PTPRT: variants seen among roughly 807,000 people sequenced by gnomAD.
PTPRT encodes the protein protein tyrosine phosphatase receptor type T.
In PTPRT, 56 loss-of-function variants were observed where a neutral mutation model predicts 176.8. The ratio of observed to expected loss-of-function variants is 0.32; its 90% CI spans 0.26 to 0.40. The LOEUF (loss-of-function observed/expected upper bound fraction) is 0.40. PTPRT is among the 10% of genes least tolerant of loss of function. The probability of loss-of-function intolerance (pLI) is 1.00; values close to 1 mark genes in which losing one functional copy is unlikely to be tolerated. For synonymous variants in PTPRT, 783 were observed against 739.0 expected (o/e 1.06, Z -0.96); for missense variants, 1,540 against 1,908.2 (o/e 0.81, Z 3.60).
intron 13 of PTPRT, among the ~76,000 whole-genome samples, chr20:42,266,588 C>T (rs2056841738): frequency 6.6e-6 from 1 of 152,138 alleles, no homozygotes; most frequent in Non-Finnish European, 1.5e-5. Context: ...AGGATTTTAC[C>T]TTATTTTTCT....
At chr20:42,904,740 C>T (rs372874326) in intron 1 of PTPRT, among the ~76,000 whole-genome samples, 1 of 152,084 alleles carries the variant, frequency 6.6e-6, no homozygotes, top group East Asian at 1.9e-4. Flanking sequence ...TATAAAAACC[C>T]CGAGACTCCA....
At chr20:42,848,995 G>GT (rs2078425778) in intron 2 of PTPRT, among the ~76,000 whole-genome samples, 1 of 152,168 alleles carries the variant, frequency 6.6e-6, no homozygotes, top group Non-Finnish European at 1.5e-5. Context: ...TTTGTATAAG[G>GT]TGAGAGATGA....
intron 1 of PTPRT, among the ~76,000 whole-genome samples, chr20:43,033,803 A>G (rs1986250741): frequency 6.6e-6 from 1 of 152,154 alleles, no homozygotes; most frequent in Admixed American, 6.5e-5. Flanking sequence ...CTCTACAGAA[A>G]AACACTGAGC....
At chr20:42,903,512 C>A (rs2079433905) in intron 1 of PTPRT, among the ~76,000 whole-genome samples, 1 of 152,240 alleles carries the variant, frequency 6.6e-6, no homozygotes, top group Non-Finnish European at 1.5e-5. Flanking sequence ...ATCCGGCGTT[C>A]TATAAATCAC....
chr20:42,458,907 A>G (rs772041006), intron 8 of PTPRT, among the ~76,000 whole-genome samples: 4 of 152,206 alleles, frequency 2.6e-5, no homozygotes, highest in African/African-American at 4.8e-5. Context: ...AAACACAAGG[A>G]AAAAATCTTG....
intron 2 of PTPRT, among the ~76,000 whole-genome samples, chr20:42,839,441 C>T (rs2078239647): frequency 1.3e-5 from 2 of 151,900 alleles, no homozygotes; most frequent in East Asian, 1.9e-4. Context: ...GCTTTTTGAG[C>T]CAGCATGATA....
At chr20:42,252,943 TCC>T (rs764651453) in intron 13 of PTPRT, among the ~76,000 whole-genome samples, 1 of 152,206 alleles carries the variant, frequency 6.6e-6, no homozygotes, top group African/African-American at 2.4e-5. Context: ...ACGTGAACAT[TCC>T]CTGGGACAGG....
At chr20:42,160,792 G>C (rs1187915697) in intron 17 of PTPRT, among the ~76,000 whole-genome samples, 4 of 152,222 alleles carry the variant, frequency 2.6e-5, no homozygotes, top group African/African-American at 9.6e-5. Context: ...GGGATGCCCA[G>C]TGCAGGGTGA....
intron 11 of PTPRT, among the ~76,000 whole-genome samples, chr20:42,317,809 A>G (rs1467017957): frequency 6.6e-6 from 1 of 152,260 alleles, no homozygotes; most frequent in Non-Finnish European, 1.5e-5. Flanking sequence ...AGCGCTGGGC[A>G]TATGAGTATA....
chr20:43,083,345 T>TATATATATATATAA (rs1308886723), intron 1 of PTPRT, among the ~76,000 whole-genome samples: 1 of 117,378 alleles, frequency 8.5e-6, no homozygotes, highest in African/African-American at 3.1e-5. Flanking sequence ...TATATATATA[T>TATATATATATATAA]ATATATATAT....
rs148987693 is a variant in PTPRT, at chr20:42,414,941, C to T, written c.1560+33279G>A. ...TCCAGAAAGTGTTTGAAAAAGATAG[C>T]GGGAGATAGATCTATCAAATATTGG... On this transcript the variant is annotated intron_variant, in intron 9 of 30. Coordinates refer to ENST00000373187, the MANE Select transcript of PTPRT (RefSeq NM_007050.6). Among the ~76,000 whole-genome samples the T allele has an allele frequency of 2.6e-3, 401 of 152,126 alleles. 2 individuals carry two copies. Among genetic ancestry groups the T allele is most frequent in the African/African-American group, 8.9e-3 (371 of 41,506 alleles).
At chr20:43,045,311 C>T (rs993342891) in intron 1 of PTPRT, among the ~76,000 whole-genome samples, 11 of 152,196 alleles carry the variant, frequency 7.2e-5, no homozygotes, top group African/African-American at 2.2e-4. Flanking sequence ...CTGGTACTGA[C>T]ACAGCCTCCA....
At chr20:42,901,032 A>C (rs1043837393) in intron 1 of PTPRT, among the ~76,000 whole-genome samples, 5 of 152,188 alleles carry the variant, frequency 3.3e-5, no homozygotes, top group Non-Finnish European at 5.9e-5. Context: ...CATATGCTGC[A>C]AAGGAAATGC....
chr20:42,053,945 G>T, the PTPRT span, among the ~76,000 whole-genome samples: 62 of 152,312 alleles, frequency 4.1e-4, no homozygotes, highest in African/African-American at 1.4e-3. Context: ...TTGGGGGTCA[G>T]TTTGGGGCAG....
intron 1 of PTPRT, among the ~76,000 whole-genome samples, chr20:42,986,849 G>C (rs1372058828): frequency 6.6e-6 from 1 of 152,172 alleles, no homozygotes; most frequent in East Asian, 1.9e-4. Flanking sequence ...AAAGAGAGCT[G>C]TACAGTGGGG....
rs115228549 is a variant in PTPRT at position 42,230,814 on chromosome 20, C to T, written c.2342+5415G>A. 3.0e-3 allele frequency among the ~76,000 whole-genome samples: 458 copies of T among 152,286 alleles called. 2 individuals carry two copies. The highest frequency in any genetic ancestry group is 0.01 in the African/African-American group (421 of 41,564). The stretch of plus-strand genomic sequence containing the variant: ...CCCACATGATTCACATTTGTGTGTG[C>T]GTGTGCGTGTATACTGGAGAGACAA... On this transcript the variant is annotated intron_variant, in intron 15 of 30. Transcript: ENST00000373187.
intron 4 of PTPRT, 51 bp from the exon 5 acceptor site, chr20:42,771,601 C>T (rs763328098): frequency 6.7e-7 from 1 of 1,484,804 alleles, no homozygotes; most frequent in African/African-American, 1.4e-5. Flanking sequence ...CAGCCTGCAC[C>T]ACTTCCCTAT....
chr20:42,703,151 C>T (rs1231911660), intron 6 of PTPRT, among the ~76,000 whole-genome samples: 1 of 152,110 alleles, frequency 6.6e-6, no homozygotes, highest in East Asian at 1.9e-4. Flanking sequence ...GGGATTAGTA[C>T]TGCTGCAGAC....
intron 2 of PTPRT, among the ~76,000 whole-genome samples, chr20:42,819,517 C>T (rs965436427): frequency 4.6e-5 from 7 of 152,092 alleles, no homozygotes; most frequent in Non-Finnish European, 7.4e-5. Context: ...AACCAAATAG[C>T]ATCATGATGA....
Sources: gnomAD v4.1 joint callset for allele counts (sites outside exome capture counted in the v4.1 genomes callset) on GRCh38, gnomAD v4.1.1 for gene constraint, MANE v1.5 for transcripts, NCBI Gene and HGNC (gene_info 2026-07-23, HGNC 2026-07-21) for gene names.